The following TFEC variants were observed in gnomAD, a reference collection of about 807,000 sequenced individuals.
TFEC encodes transcription factor EC.
Under a neutral mutation model 41.6 loss-of-function variants are expected in TFEC, and 31 were observed. The ratio of observed to expected loss-of-function variants is 0.74; its 90% CI spans 0.56 to 1.01. TFEC has a LOEUF of 1.01. TFEC is among the 50% of genes least tolerant of loss of function. The pLI, the probability that TFEC is intolerant of heterozygous loss-of-function variation, is 0.00. For missense variants in TFEC, 402 were observed against 404.1 expected (o/e 0.99, Z 0.04); for synonymous variants, 143 against 140.6 (o/e 1.02, Z -0.12).
intron 1 of TFEC, among the ~76,000 whole-genome samples, chr7:115,992,391 C>T (rs992787880): frequency 1.1e-4 from 16 of 152,062 alleles, no homozygotes; most frequent in Non-Finnish European, 2.1e-4. Flanking sequence ...ACACCAAAAG[C>T]CCTTCAAAAA....
At chr7:115,944,013 A>ATTTTTTTTTTTGTTTTTTT (rs1793650639) in intron 6 of TFEC, among the ~76,000 whole-genome samples, 1 of 22,830 alleles carries the variant, frequency 4.4e-5, no homozygotes, top group African/African-American at 1.2e-4. Flanking sequence ...ACAGGTCTGA[A>ATTTTTTTTTTTGTTTTTTT]TTTTTTTTTT....
chr7:116,149,192 AG>A (rs1449573891), intron 1 of TFEC, among the ~76,000 whole-genome samples: 4 of 152,186 alleles, frequency 2.6e-5, no homozygotes, highest in African/African-American at 9.6e-5. Flanking sequence ...CCATCAAAAA[AG>A]TTAGTTATTA....
chr7:116,015,143 A>C (rs1243549387), intron 1 of TFEC, among the ~76,000 whole-genome samples: 1 of 150,574 alleles, frequency 6.6e-6, no homozygotes, highest in Non-Finnish European at 1.5e-5. Context: ...TATAATTCTG[A>C]GTTTTATTTT....
At chr7:116,015,358 TTCTC>T (rs1168023476) in intron 1 of TFEC, among the ~76,000 whole-genome samples, 6 of 152,184 alleles carry the variant, frequency 3.9e-5, no homozygotes, top group African/African-American at 1.4e-4. Flanking sequence ...AGGAAAAAAG[TTCTC>T]TCTTTTTCTC....
At chr7:116,086,524 G>C (rs1299672201) in intron 3 of TFEC, among the ~76,000 whole-genome samples, 1 of 151,842 alleles carries the variant, frequency 6.6e-6, no homozygotes, top group African/African-American at 2.4e-5. Flanking sequence ...TGAGGTGATG[G>C]ATATGCTAAA....
intron 1 of TFEC, among the ~76,000 whole-genome samples, chr7:116,030,253 G>C (rs571766939): frequency 1.3e-5 from 2 of 152,016 alleles, no homozygotes; most frequent in African/African-American, 4.8e-5. Flanking sequence ...AATAGATATT[G>C]CTCAAATGTA....
At chr7:115,965,887 A>T (rs189313025) in intron 3 of TFEC, among the ~76,000 whole-genome samples, 2 of 151,568 alleles carry the variant, frequency 1.3e-5, no homozygotes, top group African/African-American at 4.8e-5. Flanking sequence ...TTTATATCTG[A>T]TCTATCACTC....
chr7:115,964,539 CATAAGTGT>C (rs1443642732), intron 3 of TFEC, among the ~76,000 whole-genome samples: 1 of 151,426 alleles, frequency 6.6e-6, no homozygotes, highest in African/African-American at 2.4e-5. Context: ...TTTGATTTCC[CATAAGTGT>C]ATTTTATAAT....
rs149758904 is a variant in TFEC at position 116,007,223 on chromosome 7, G to A, written c.-72-22710C>T. Reference sequence around the variant, plus strand: ...AGAGATCCATGGGAAAGCAACCTAGGCCATAGAAAAAAGTCAGGTATCACT... The same window carrying A: ...AGAGATCCATGGGAAAGCAACCTAGACCATAGAAAAAAGTCAGGTATCACT... On this transcript the variant is annotated intron_variant, in intron 1 of 7. Coordinates refer to ENST00000265440, the MANE Select transcript of TFEC (RefSeq NM_012252.4). Among the ~76,000 whole-genome samples the A allele has an allele frequency of 6.1e-4, 92 of 152,050 alleles. No homozygotes were observed. In the East Asian group the frequency reaches 0.013, roughly 21 times the overall value.
intron 3 of TFEC, among the ~76,000 whole-genome samples, chr7:116,048,809 A>T (rs1796236158): frequency 1.3e-5 from 2 of 152,224 alleles, no homozygotes; most frequent in Admixed American, 6.5e-5. Context: ...AAGCCAGAAG[A>T]GAGTGGGGGC....
chr7:116,136,633 T>C (rs1003423500), intron 1 of TFEC, among the ~76,000 whole-genome samples: 8 of 152,050 alleles, frequency 5.3e-5, no homozygotes, highest in East Asian at 1.9e-4. Context: ...TATTAGGTTA[T>C]TTATAATGTT....
At chr7:116,117,325 T>C (rs1049310810) in intron 1 of TFEC, among the ~76,000 whole-genome samples, 3 of 151,880 alleles carry the variant, frequency 2.0e-5, no homozygotes, top group African/African-American at 4.8e-5. Flanking sequence ...TAGCAGCTGA[T>C]GGCATTTATT....
chr7:116,143,017 C>T (rs932457636), intron 1 of TFEC, among the ~76,000 whole-genome samples: 1 of 152,178 alleles, frequency 6.6e-6, no homozygotes, highest in African/African-American at 2.4e-5. Flanking sequence ...AGTTAGGCGT[C>T]ACCCTGTGAC....
intron 6 of TFEC, among the ~76,000 whole-genome samples, chr7:115,950,623 C>T (rs962337506): frequency 1.3e-5 from 2 of 152,092 alleles, no homozygotes; most frequent in Non-Finnish European, 2.9e-5. Context: ...TACAGAAAGA[C>T]TCACTATGAA....
chr7:116,122,814 C>T (rs1798134101), intron 1 of TFEC, among the ~76,000 whole-genome samples: 1 of 152,044 alleles, frequency 6.6e-6, no homozygotes, highest in South Asian at 2.1e-4. Flanking sequence ...CCCCTTCCCC[C>T]CACTTTCCTC....
rs1032440198 is a variant in TFEC, at chr7:115,936,769, A to C, written c.*3782T>G. The C allele has an allele frequency of 6.6e-6, 1 of 151,592 alleles. No homozygotes were observed. Among genetic ancestry groups the C allele is most frequent in the Non-Finnish European group, 1.5e-5 (1 of 67,642 alleles). The allele number at this position is 151,592 out of a possible 1,614,324, so 9.4% of individuals were successfully genotyped here. On this transcript the variant is annotated 3_prime_UTR_variant, in exon 8 of 8. Transcript: ENST00000265440. ...ATTCTTTGTATCTGTTTTTTTAAGT[A>C]AGAGCTATTAAATATTTGATTTACA...
chr7:115,996,034 C>A lies in TFEC; in HGVS notation c.-72-11521G>T, dbSNP rs551225144. ...CAAAATCTGCAATTCCCAAGCAAGT[C>A]TTGGTGCTGTGCTTAGCTTACAGCC... On this transcript the variant is annotated intron_variant, in intron 1 of 7. Transcript: ENST00000265440. Among the ~76,000 whole-genome samples, 10 of 152,332 alleles carry A rather than the reference C, an allele frequency of 6.6e-5. No individual in the cohort carries two copies. In the South Asian group the frequency reaches 2.1e-3, roughly 32 times the overall value.
intron 3 of TFEC, among the ~76,000 whole-genome samples, chr7:115,959,958 T>G (rs1182396420): frequency 6.6e-6 from 1 of 151,498 alleles, no homozygotes; most frequent in Non-Finnish European, 1.5e-5. Flanking sequence ...GGAGACACAT[T>G]TTTAAGAATT....
At chr7:116,108,757 T>C (rs1797777825) in intron 3 of TFEC, among the ~76,000 whole-genome samples, 1 of 152,130 alleles carries the variant, frequency 6.6e-6, no homozygotes. Flanking sequence ...CTCAATGCAT[T>C]TTCTACCTAC....
Sources: gnomAD v4.1 joint callset for allele counts (sites outside exome capture counted in the v4.1 genomes callset) on GRCh38, gnomAD v4.1.1 for gene constraint, MANE v1.5 for transcripts, NCBI Gene and HGNC (gene_info 2026-07-23, HGNC 2026-07-21) for gene names.